Variants in TTLL5 observed in about 807,000 individuals in gnomAD.
TTLL5 encodes tubulin tyrosine ligase like 5.
In TTLL5, 132 loss-of-function variants were observed where a neutral mutation model predicts 168.4. The ratio of observed to expected loss-of-function variants is 0.78; its 90% confidence interval spans 0.68 to 0.91. The LOEUF (loss-of-function observed/expected upper bound fraction) is 0.91. Ranked by LOEUF, TTLL5 falls within the 40% of genes least tolerant of loss-of-function variation. TTLL5 has a pLI of 0.00. For synonymous variants in TTLL5, 546 were observed against 558.6 expected (o/e 0.98, Z 0.32); for missense variants, 1,545 against 1,581.5 (o/e 0.98, Z 0.39).
At chr14:75,874,525 C>T (rs1566640698) in intron 29 of TTLL5, among the ~76,000 whole-genome samples, 1 of 152,188 alleles carries the variant, frequency 6.6e-6, no homozygotes, top group African/African-American at 2.4e-5. Context: ...TCATCGGGTG[C>T]AAGCTGCTTT....
At chr14:75,947,974 A>G (rs1210231852) in intron 31 of TTLL5, among the ~76,000 whole-genome samples, 1 of 151,832 alleles carries the variant, frequency 6.6e-6, no homozygotes, top group Admixed American at 6.6e-5. Flanking sequence ...TAACTACATC[A>G]TTAACAGGCT....
At chr14:75,835,962 C>T (rs1399048847) in intron 28 of TTLL5, among the ~76,000 whole-genome samples, 2 of 152,140 alleles carry the variant, frequency 1.3e-5, no homozygotes, top group African/African-American at 4.8e-5. Context: ...TTAGTACTAC[C>T]ACTATGGAGA....
intron 31 of TTLL5, among the ~76,000 whole-genome samples, chr14:75,924,732 C>T (rs1286951498): frequency 3.9e-5 from 6 of 152,142 alleles, no homozygotes. Flanking sequence ...TTTTCCCCAT[C>T]CTTCCCCCCT....
At chr14:75,716,504 G>A (rs970400836) in intron 9 of TTLL5, among the ~76,000 whole-genome samples, 2 of 152,132 alleles carry the variant, frequency 1.3e-5, no homozygotes, top group African/African-American at 4.8e-5. Flanking sequence ...GTTTTTTAAT[G>A]CTGACCTTTA....
Position 75,882,765 on chromosome 14 carries a change from C to T in TTLL5, c.3603C>T (p.Ala1201=), listed in dbSNP as rs767025584. The T allele has an allele frequency of 6.2e-7, 1 of 1,613,952 alleles. No homozygotes were observed. ...NNGAGCRISS[A]TASGQKPTTL... Reference sequence around the variant, plus strand: ...GTGCAGGTTGTAGAATTTCCAGTGCCACAGCTAGTGGCCAGAAGCCAACCA... The same window carrying T: ...GTGCAGGTTGTAGAATTTCCAGTGCTACAGCTAGTGGCCAGAAGCCAACCA... The change falls in exon 30 of 32, where the codon GCC becomes GCT. Residue 1201 remains alanine, a synonymous_variant. Transcript: ENST00000298832.
intron 29 of TTLL5, among the ~76,000 whole-genome samples, chr14:75,873,863 C>A (rs1320830927): frequency 6.6e-6 from 1 of 152,040 alleles, no homozygotes; most frequent in Non-Finnish European, 1.5e-5. Context: ...TTACTTAAAC[C>A]TTCCGGGCCA....
chr14:75,800,069 T>A (rs765782806), intron 27 of TTLL5, among the ~76,000 whole-genome samples: 1 of 152,244 alleles, frequency 6.6e-6, no homozygotes, highest in East Asian at 1.9e-4. Flanking sequence ...TTTTCCAAAC[T>A]TTTAGATTTC....
intron 29 of TTLL5, among the ~76,000 whole-genome samples, chr14:75,879,603 C>T: frequency 6.6e-6 from 1 of 152,128 alleles, no homozygotes; most frequent in Admixed American, 6.5e-5. Context: ...TTTAATTAAG[C>T]TCCTCATCTT....
chr14:75,904,332 G>A lies in TTLL5; in HGVS notation c.3823+2108G>A. Reference sequence around the variant, plus strand: ...AATGGCACAAGGGAATCATGGCCAAGTGTGAAGGATTTCTGTGAGATACCC... The same window carrying A: ...AATGGCACAAGGGAATCATGGCCAAATGTGAAGGATTTCTGTGAGATACCC... On this transcript the variant is annotated intron_variant, in intron 31 of 31. Coordinates refer to ENST00000298832, the MANE Select transcript of TTLL5 (RefSeq NM_015072.5). The A allele has an allele frequency of 4.5e-6, 4 of 888,826 alleles. 1 individual carries two copies. Among genetic ancestry groups the A allele is most frequent in the Non-Finnish European group, 5.6e-6 (4 of 716,356 alleles). 55.1% of individuals were successfully genotyped at this position (888,826 alleles called of 1,614,324 possible).
rs533894435 is a variant in TTLL5 at position 75,690,218 on chromosome 14, G to A, written c.398G>A (p.Arg133Gln). 63 of 1,613,256 alleles carry A rather than the reference G, an allele frequency of 3.9e-5. No homozygotes were observed. The Admixed American group carries it at 8.4e-4, about 21-fold the overall frequency. ...PRSYELTRKD[R>Q]LYKNIIRMQH... ...TCTTATGAACTTACCCGGAAGGACCGACTGTACAAAAACATTATTCGAATG... is the reference window on the plus strand; with the variant it reads ...TCTTATGAACTTACCCGGAAGGACCAACTGTACAAAAACATTATTCGAATG... The change falls in exon 6 of 32, where the codon CGA (arginine) becomes CAA (glutamine). Residue 133 changes from arginine (R) to glutamine (Q), a missense_variant. Arg to Gln is a conservative substitution (Grantham distance 43). Transcript: ENST00000298832.
intron 31 of TTLL5, among the ~76,000 whole-genome samples, chr14:75,925,918 C>T (rs933859081): frequency 1.3e-5 from 2 of 151,898 alleles, no homozygotes; most frequent in African/African-American, 2.4e-5. Flanking sequence ...GGCGTGGCGG[C>T]GCGCACCTGT....
chr14:75,664,311 C>T (rs993031479), intron 2 of TTLL5, among the ~76,000 whole-genome samples: 1 of 152,114 alleles, frequency 6.6e-6, no homozygotes, highest in African/African-American at 2.4e-5. Flanking sequence ...TCTTTTGCCT[C>T]CTTTAATTAT....
In TTLL5 at chr14:75,691,008, C is replaced by T. The variant is rs367912799; in HGVS notation, c.502+686C>T. ...CGCTTGCCATTTAAGAACATTCTTT[C>T]AGCCTTGATTTCTTGTCTTCTGTAA... On this transcript the variant is annotated intron_variant, in intron 6 of 31. Coordinates refer to ENST00000298832, the MANE Select transcript of TTLL5 (RefSeq NM_015072.5). Among the ~76,000 whole-genome samples the T allele has an allele frequency of 5.3e-5, 8 of 152,292 alleles. No individual in the cohort carries two copies. In the South Asian group the frequency reaches 1.5e-3, roughly 28 times the overall value.
At chr14:75,732,042 G>A (rs1888583706) in intron 12 of TTLL5, 1 of 185,002 alleles carries the variant, frequency 5.4e-6, no homozygotes, top group Non-Finnish European at 1.1e-5. Flanking sequence ...CAGCAGAATC[G>A]TGCTTGTTAA....
chr14:75,730,150 A>G (rs2140228457), intron 12 of TTLL5, among the ~76,000 whole-genome samples: 1 of 152,298 alleles, frequency 6.6e-6, no homozygotes, highest in East Asian at 1.9e-4. Context: ...TTTTTCGTCA[A>G]TCAAATGTTG....
At chr14:75,773,657 G>A (rs1378700093) in intron 21 of TTLL5, among the ~76,000 whole-genome samples, 1 of 151,860 alleles carries the variant, frequency 6.6e-6, no homozygotes, top group African/African-American at 2.4e-5. Context: ...GGGAGGCTGA[G>A]GCGGGTGGAT....
chr14:75,775,174 A>C (rs1358924450), intron 21 of TTLL5, among the ~76,000 whole-genome samples: 1 of 152,068 alleles, frequency 6.6e-6, no homozygotes, highest in South Asian at 2.1e-4. Context: ...TACCTTCCCT[A>C]AATAGTGCTA....
chr14:75,720,509 T>C, intron 11 of TTLL5, 87 bp from the exon 12 acceptor site: 1 of 1,028,294 alleles, frequency 9.7e-7, no homozygotes, highest in Non-Finnish European at 1.5e-6. Context: ...GCACACATGC[T>C]TTTATAGTTA....
intron 12 of TTLL5, among the ~76,000 whole-genome samples, chr14:75,730,456 C>T (rs1888461108): frequency 6.6e-6 from 1 of 152,154 alleles, no homozygotes; most frequent in African/African-American, 2.4e-5. Flanking sequence ...CCATCTCAAA[C>T]TCTTGTATAG....
Sources: allele counts gnomAD v4.1 joint callset (sites outside exome capture counted in the v4.1 genomes callset), GRCh38; gene constraint gnomAD v4.1.1; transcripts MANE v1.5; gene names NCBI Gene and HGNC (gene_info 2026-07-23, HGNC 2026-07-21).